Variants in ATPAF2 observed in about 807,000 individuals in gnomAD.
ATPAF2 encodes ATP synthase mitochondrial F1 complex assembly factor 2.
In ATPAF2, 30 loss-of-function variants were observed where a neutral mutation model predicts 36.6. The ratio of observed to expected loss-of-function variants is 0.82; its 90% CI spans 0.61 to 1.11. ATPAF2 has a LOEUF of 1.11. Ranked by LOEUF, ATPAF2 falls within the 50% of genes most tolerant of loss-of-function variation. ATPAF2 has a pLI of 0.00. For missense variants in ATPAF2, 321 were observed against 372.3 expected, an observed-to-expected ratio of 0.86 and a Z score of 1.13; for synonymous variants, 140 against 152.6, an observed-to-expected ratio of 0.92 and a Z score of 0.61.
chr17:18,032,762 C>A (rs148910332), intron 1 of ATPAF2, among the ~76,000 whole-genome samples: 89 of 151,654 alleles, frequency 5.9e-4, no homozygotes, highest in African/African-American at 2.1e-3. Context: ...GGGGCAGGCA[C>A]GTGGAACGAT....
chr17:18,021,112 CT>C lies in ATPAF2; in HGVS notation c.732+10del, dbSNP rs1379133681. On this transcript the variant is annotated intron_variant, in intron 7 of 7. Transcript: ENST00000474627. ...GAAGGGGGAGGCGGGACCTGAGGTGCTGCTCCTCACCTGGTACTCCTCCTCC... is the reference window on the plus strand; with the variant it reads ...GAAGGGGGAGGCGGGACCTGAGGTGCGCTCCTCACCTGGTACTCCTCCTCC... 1.2e-6 allele frequency: 2 copies of C among 1,609,158 alleles called. No homozygotes were observed. Among genetic ancestry groups the C allele is most frequent in the African/African-American group, 2.7e-5 (2 of 74,802 alleles).
intron 5 of ATPAF2, among the ~76,000 whole-genome samples, chr17:18,024,407 G>GT (rs1211666479): frequency 6.6e-6 from 1 of 152,204 alleles, no homozygotes; most frequent in African/African-American, 2.4e-5. Flanking sequence ...GCTACAGCAG[G>GT]TGTGCTGTAC....
At chr17:18,031,400 C>A (rs1055021436) in intron 1 of ATPAF2, among the ~76,000 whole-genome samples, 3 of 152,196 alleles carry the variant, frequency 2.0e-5, no homozygotes, top group African/African-American at 7.2e-5. Context: ...AACTAAGGCC[C>A]AAATTGTTTT....
chr17:18,026,469 GC>G lies in ATPAF2; in HGVS notation c.325-54del, dbSNP rs2044547360. ...CACTGCCTGCGGGGCTCAGGCAAAA[GC>G]CCTGCTTTCCTGAGGACACCACATC... is the stretch of plus-strand genomic sequence containing the variant. On this transcript the variant is annotated intron_variant, in intron 3 of 7. Transcript: ENST00000474627. 3.9e-5 allele frequency: 56 copies of G among 1,428,104 alleles called. 3 individuals are homozygous for G. In the South Asian group the frequency reaches 6.1e-4, roughly 15 times the overall value. 88.5% of individuals were successfully genotyped at this position (1,428,104 alleles called of 1,614,324 possible).
Position 18,018,229 on chromosome 17 carries a change from G to A in ATPAF2, c.*320C>T, listed in dbSNP as rs1192708970. 4.9e-6 allele frequency: 2 copies of A among 409,816 alleles called. No individual in the cohort carries two copies. Among genetic ancestry groups the A allele is most frequent in the African/African-American group, 2.0e-5 (1 of 48,864 alleles). The allele number at this position is 409,816 out of a possible 1,614,324, so 25.4% of individuals were successfully genotyped here. On this transcript the variant is annotated 3_prime_UTR_variant, in exon 8 of 8. Transcript: ENST00000474627. ...GACAAAACAGGAAGAATGGAGAAGT[G>A]CAGAGGCATACGTGAAAACAGGGCT...
At chr17:18,024,789 A>G in intron 4 of ATPAF2, 85 bp from the exon 5 acceptor site, 1 of 1,203,978 alleles carries the variant, frequency 8.3e-7, no homozygotes, top group South Asian at 1.2e-5. Flanking sequence ...ACAAAGGACA[A>G]CAGCAAAAAC....
rs766029495 is a variant in ATPAF2 at position 18,026,356 on chromosome 17, G to A, written c.385C>T (p.Arg129Trp). ...GTGTCCAGAAACTTCACGGCTGCCC[G>A]GATCAGCTGATCCTTGTTTCTCTGG... ...PTQRNKDQLI[R>W]AAVKFLDTDT... is the part of the protein sequence containing the mutation. Residue 129 changes from arginine to tryptophan, a missense_variant, in exon 4 of 8, where the codon CGG becomes TGG. Physicochemically the swap from Arg to Trp is moderately radical, Grantham distance 101. Around this residue, in one of 3 missense-constraint regions of ATPAF2, gnomAD observed 199 missense variants for 220.6 expected, o/e 0.90. Coordinates refer to ENST00000474627, the MANE Select transcript of ATPAF2 (RefSeq NM_145691.4). 2.7e-5 allele frequency: 44 copies of A among 1,614,078 alleles called. No homozygotes were observed. Among genetic ancestry groups the A allele is most frequent in the East Asian group, 4.5e-5 (2 of 44,900 alleles).
intron 1 of ATPAF2, among the ~76,000 whole-genome samples, chr17:18,035,151 C>T (rs2044686883): frequency 6.6e-6 from 1 of 151,894 alleles, no homozygotes; most frequent in Non-Finnish European, 1.5e-5. Context: ...ATCACTTGAG[C>T]CCAGGAGTTT....
chr17:18,029,422 C>T (rs2044595409), intron 1 of ATPAF2, among the ~76,000 whole-genome samples: 1 of 152,222 alleles, frequency 6.6e-6, no homozygotes, highest in South Asian at 2.1e-4. Context: ...CAGTCTCTCA[C>T]ATCTGTGACA....
chr17:18,019,851 G>C (rs2044443978), intron 7 of ATPAF2, among the ~76,000 whole-genome samples: 1 of 152,148 alleles, frequency 6.6e-6, no homozygotes, highest in Admixed American at 6.5e-5. Flanking sequence ...CATAATTCAG[G>C]TTATTCCTCT....
rs1210186473 is a variant in ATPAF2 at position 18,031,019 on chromosome 17, C to CTG, written c.134-2362_134-2361dup. Among the ~76,000 whole-genome samples the CTG allele has an allele frequency of 3.7e-5, 5 of 135,120 alleles. No individual in the cohort carries two copies. The East Asian group carries it at 1.1e-3, about 29-fold the overall frequency. 88.6% of individuals were successfully genotyped at this position (135,120 alleles called of 152,430 possible). Reference sequence around the variant, plus strand: ...ATGGAGTCTCACTTTGTCGCCCAGGCTGTAGTGCAGTGGCGCGATCTCGGT... The same window carrying CTG: ...ATGGAGTCTCACTTTGTCGCCCAGGCTGTGTAGTGCAGTGGCGCGATCTCGGT... On this transcript the variant is annotated intron_variant, in intron 1 of 7. Transcript: ENST00000474627.
At chr17:18,028,729 G>T in intron 1 of ATPAF2, 70 bp from the exon 2 acceptor site, 2 of 1,379,666 alleles carry the variant, frequency 1.4e-6, no homozygotes, top group Non-Finnish European at 1.0e-6. Context: ...GACAGGACCA[G>T]CTTGTATCAT....
chr17:18,028,411 T>C, intron 2 of ATPAF2, 34 bp from the exon 3 acceptor site: 1 of 1,611,330 alleles, frequency 6.2e-7, no homozygotes. Flanking sequence ...CTCAGGGATT[T>C]GTTAAGTGGA....
At chr17:18,029,837 C>A (rs1567577110) in intron 1 of ATPAF2, among the ~76,000 whole-genome samples, 1 of 147,440 alleles carries the variant, frequency 6.8e-6, no homozygotes, top group African/African-American at 2.5e-5. Flanking sequence ...GTGATCCAAC[C>A]CGTGAGCCAC....
chr17:18,018,774 G>A, intron 7 of ATPAF2, 88 bp from the exon 8 acceptor site: 2 of 1,594,816 alleles, frequency 1.3e-6, no homozygotes, highest in Non-Finnish European at 1.7e-6. Context: ...CAATAGGTTG[G>A]CTGAGGGCAA....
At chr17:18,027,535 T>C (rs1271784073) in intron 3 of ATPAF2, among the ~76,000 whole-genome samples, 1 of 152,186 alleles carries the variant, frequency 6.6e-6, no homozygotes, top group Non-Finnish European at 1.5e-5. Flanking sequence ...GGTACTATTA[T>C]CACTCATCTT....
chr17:18,030,320 C>CAA (rs1162130285), intron 1 of ATPAF2, among the ~76,000 whole-genome samples: 395 of 63,346 alleles, frequency 6.2e-3, no homozygotes, highest in Non-Finnish European at 8.9e-3. Flanking sequence ...GACTCCATCT[C>CAA]AAAAAAAAAA....
chr17:18,037,515 C>T (rs1019900833), intron 1 of ATPAF2, among the ~76,000 whole-genome samples: 10 of 151,912 alleles, frequency 6.6e-5, no homozygotes, highest in African/African-American at 2.2e-4. Flanking sequence ...ATCTGGGAGG[C>T]GGAGGTTGCA....
chr17:18,019,273 G>C (rs1231559417), intron 7 of ATPAF2, among the ~76,000 whole-genome samples: 2 of 152,084 alleles, frequency 1.3e-5, no homozygotes. Context: ...TCCAGGCCCA[G>C]GCCCAGGGCC....
Sources: gnomAD v4.1 joint callset for allele counts (sites outside exome capture counted in the v4.1 genomes callset) on GRCh38, gnomAD v4.1.1 for gene constraint, gnomAD v4.1.1 regional missense constraint, MANE v1.5 for transcripts, NCBI Gene and HGNC (gene_info 2026-07-23, HGNC 2026-07-21) for gene names.